The following KCND3 variants were observed in gnomAD, a reference collection of about 807,000 sequenced individuals.
The protein encoded by KCND3 is potassium voltage-gated channel subfamily D member 3.
A neutral mutation model predicts 51.1 loss-of-function variants in KCND3; 9 were observed. The ratio of observed to expected loss-of-function variants is 0.18; its 90% confidence interval spans 0.11 to 0.31. The LOEUF (loss-of-function observed/expected upper bound fraction) is 0.31, where lower values mean the gene tolerates loss of function less well. Among genes scored for constraint, KCND3 ranks in the 10% least tolerant of loss-of-function variants. The pLI is 1.00. For missense variants in KCND3, 526 were observed against 903.8 expected (o/e 0.58, Z 5.36); for synonymous variants, 349 against 368.0 (o/e 0.95, Z 0.59).
chr1:111,793,919 C>G (rs987992293), intron 2 of KCND3, among the ~76,000 whole-genome samples: 2 of 152,192 alleles, frequency 1.3e-5, no homozygotes, highest in Non-Finnish European at 1.5e-5. Context: ...TTCTCTCTAC[C>G]CTGGCTTTGT....
chr1:111,931,244 A>C (rs2101861448), intron 2 of KCND3, among the ~76,000 whole-genome samples: 1 of 152,206 alleles, frequency 6.6e-6, no homozygotes, highest in South Asian at 2.1e-4. Flanking sequence ...AGGAAGGAGG[A>C]ATGGGAACTG....
At chr1:111,968,850 G>A (rs1268797636) in intron 2 of KCND3, among the ~76,000 whole-genome samples, 1 of 152,158 alleles carries the variant, frequency 6.6e-6, no homozygotes, top group African/African-American at 2.4e-5. Context: ...GATACCCAAA[G>A]CCACTGTGGA....
chr1:111,824,099 TC>T (rs1666468790), intron 2 of KCND3, among the ~76,000 whole-genome samples: 1 of 137,070 alleles, frequency 7.3e-6, no homozygotes, highest in South Asian at 2.4e-4. Flanking sequence ...AATAGCATGA[TC>T]CCATGCCTTC....
At chr1:111,814,979 G>A (rs1235836328) in intron 2 of KCND3, among the ~76,000 whole-genome samples, 3 of 152,242 alleles carry the variant, frequency 2.0e-5, no homozygotes, top group Non-Finnish European at 4.4e-5. Context: ...CTTGACTCAT[G>A]TGGTACCTTT....
At chr1:111,803,285 C>T (rs1294533570) in intron 2 of KCND3, among the ~76,000 whole-genome samples, 1 of 152,144 alleles carries the variant, frequency 6.6e-6, no homozygotes, top group Non-Finnish European at 1.5e-5. Context: ...CACAGCCTCG[C>T]ACAGCACCTG....
chr1:111,827,489 A>G (rs977675202), intron 2 of KCND3, among the ~76,000 whole-genome samples: 5 of 152,228 alleles, frequency 3.3e-5, no homozygotes, highest in Admixed American at 6.5e-5. Flanking sequence ...ACCTGCCTCC[A>G]TCGCAAGTTA....
Position 111,780,664 on chromosome 1 carries a change from C to A in KCND3, c.1371+26G>T, listed in dbSNP as rs371181281. The A allele has an allele frequency of 2.5e-6, 4 of 1,579,654 alleles. No homozygotes were observed. The South Asian group carries it at 4.6e-5, about 18-fold the overall frequency. On this transcript the variant is annotated intron_variant, in intron 4 of 7. Transcript: ENST00000302127. This position sits in a 1 kb window ranked among gnomAD's most constrained non-coding sequence, Gnocchi z 4.2. ...AAGCCCATCTACCCCTTTATGTTCCCTAGCCCAGGTCCTCTAGGCACCTAC... is the reference window on the plus strand; with the variant it reads ...AAGCCCATCTACCCCTTTATGTTCCATAGCCCAGGTCCTCTAGGCACCTAC...
intron 2 of KCND3, among the ~76,000 whole-genome samples, chr1:111,858,005 C>T (rs570644569): frequency 3.3e-5 from 5 of 152,198 alleles, no homozygotes; most frequent in South Asian, 2.1e-4. Flanking sequence ...TCTGCAGTGC[C>T]CCCATTAGGA....
chr1:111,892,341 TG>T (rs1669871206), intron 2 of KCND3, among the ~76,000 whole-genome samples: 1 of 152,214 alleles, frequency 6.6e-6, no homozygotes, highest in Non-Finnish European at 1.5e-5. Flanking sequence ...TATCATTTAT[TG>T]GGCATTGCCC....
chr1:111,832,503 C>T (rs1441881125), intron 2 of KCND3, among the ~76,000 whole-genome samples: 2 of 152,152 alleles, frequency 1.3e-5, no homozygotes, highest in African/African-American at 2.4e-5. Flanking sequence ...TATCTCACTC[C>T]CTTTCCTTTT....
At position 111,834,119 on chromosome 1, in the gene KCND3, A is replaced by T. The variant is rs150738322; in HGVS notation, c.1107-47013T>A. The stretch of plus-strand genomic sequence containing the variant: ...CATTTTACAAGGGATCAGACCAAGG[A>T]TTTGACCAGTGAAGGGGGTTACAGA... On this transcript the variant is annotated intron_variant, in intron 2 of 7. Transcript: ENST00000302127. Among the ~76,000 whole-genome samples, 26 of 152,312 alleles carry T rather than the reference A, an allele frequency of 1.7e-4. No individual in the cohort carries two copies. In the East Asian group the frequency reaches 4.8e-3, roughly 28 times the overall value.
intron 2 of KCND3, among the ~76,000 whole-genome samples, chr1:111,927,257 G>A (rs1671747524): frequency 1.3e-5 from 2 of 152,220 alleles, no homozygotes; most frequent in Non-Finnish European, 2.9e-5. Context: ...ACAGGCTGAG[G>A]AGGCTGTGAG....
chr1:111,806,944 T>G (rs1665599072), intron 2 of KCND3, among the ~76,000 whole-genome samples: 1 of 152,170 alleles, frequency 6.6e-6, no homozygotes. Flanking sequence ...AGAGTAAATA[T>G]CCCCTCTATG....
intron 2 of KCND3, among the ~76,000 whole-genome samples, chr1:111,802,445 C>A (rs896918780): frequency 6.6e-6 from 1 of 152,246 alleles, no homozygotes; most frequent in Non-Finnish European, 1.5e-5. Flanking sequence ...TCAGAAGTCC[C>A]TGGCCTGCAA....
chr1:111,799,805 C>T (rs546217136), intron 2 of KCND3, among the ~76,000 whole-genome samples: 11 of 152,200 alleles, frequency 7.2e-5, no homozygotes, highest in South Asian at 2.1e-4. Context: ...AGTGTTAAAA[C>T]GAGACGGAGA....
Position 111,819,940 on chromosome 1 carries a change from C to T in KCND3, c.1107-32834G>A, listed in dbSNP as rs537593339. Among the ~76,000 whole-genome samples the T allele has an allele frequency of 6.8e-4, 104 of 152,310 alleles. 1 individual carries two copies. Among genetic ancestry groups the T allele is most frequent in the African/African-American group, 2.5e-3 (104 of 41,556 alleles). On this transcript the variant is annotated intron_variant, in intron 2 of 7. Coordinates refer to ENST00000302127, the MANE Select transcript of KCND3 (RefSeq NM_001378969.1). ...CTTTCCTTGGGCTTCAGGCCCTGATCCCTCCCTGCCCCGGAGGTTGCAGAA... is the reference window on the plus strand; with the variant it reads ...CTTTCCTTGGGCTTCAGGCCCTGATTCCTCCCTGCCCCGGAGGTTGCAGAA...
At chr1:111,873,996 C>T (rs1459391299) in intron 2 of KCND3, among the ~76,000 whole-genome samples, 1 of 152,062 alleles carries the variant, frequency 6.6e-6, no homozygotes, top group Non-Finnish European at 1.5e-5. Flanking sequence ...ACACACTGGG[C>T]GAGTCATCTG....
intron 2 of KCND3, among the ~76,000 whole-genome samples, chr1:111,933,261 A>T (rs901046237): frequency 6.6e-6 from 1 of 152,180 alleles, no homozygotes; most frequent in African/African-American, 2.4e-5. Context: ...TTTTCTTTAT[A>T]AATTACCCAG....
rs558166678 is a variant in KCND3 at position 111,813,736 on chromosome 1, T to C, written c.1107-26630A>G. On this transcript the variant is annotated intron_variant, in intron 2 of 7. Coordinates refer to ENST00000302127, the MANE Select transcript of KCND3 (RefSeq NM_001378969.1). ...GGTTCAGCTGGCACTGACTAGAACC[T>C]GCTAGGAGCCAGGCAGGCCTCACTG... Among the ~76,000 whole-genome samples, 5 of 152,236 alleles carry C rather than the reference T, an allele frequency of 3.3e-5. No individual in the cohort carries two copies. The East Asian group carries it at 7.7e-4, about 23-fold the overall frequency.
Sources: allele counts gnomAD v4.1 joint callset (sites outside exome capture counted in the v4.1 genomes callset), GRCh38; gene constraint gnomAD v4.1.1; non-coding constraint Gnocchi (gnomAD v3.1); transcripts MANE v1.5; gene names NCBI Gene and HGNC (gene_info 2026-07-23, HGNC 2026-07-21).